Variants in LMBR1 observed in about 807,000 individuals in gnomAD.
LMBR1 encodes the protein limb development membrane protein 1, also known as limb region 1 protein homolog.
Under a neutral mutation model 73.9 loss-of-function variants are expected in LMBR1, and 52 were observed. The ratio of observed to expected loss-of-function variants is 0.70; its 90% confidence interval spans 0.56 to 0.89. The LOEUF (loss-of-function observed/expected upper bound fraction) is 0.89. Among genes scored for constraint, LMBR1 ranks in the 40% least tolerant of loss-of-function variants. LMBR1 has a pLI of 0.00. For missense variants in LMBR1, 539 were observed against 579.8 expected (o/e 0.93, Z 0.72); for synonymous variants, 215 against 209.4 (o/e 1.03, Z -0.23).
Position 156,763,204 on chromosome 7 carries a change from A to G in LMBR1, c.551-28T>C, listed in dbSNP as rs749813818. On this transcript the variant is annotated intron_variant, in intron 6 of 16. Coordinates refer to ENST00000353442, the MANE Select transcript of LMBR1 (RefSeq NM_022458.4). The stretch of plus-strand genomic sequence containing the variant: ...ATTAAAAAAAAGTAAATATATTTTA[A>G]TAAATCCAAAATACTGCACATTAAG... 19 of 990,578 alleles carry G rather than the reference A, an allele frequency of 1.9e-5. No individual in the cohort carries two copies. The East Asian group carries it at 4.9e-4, about 26-fold the overall frequency. 61.4% of individuals were successfully genotyped at this position (990,578 alleles called of 1,614,324 possible). A position where few individuals can be genotyped will look rare whatever the true frequency, so the allele number is the denominator to read the frequency against.
chr7:156,676,503 C>T (rs746591561), downstream of LMBR1: 26 of 1,613,886 alleles, frequency 1.6e-5, no homozygotes, highest in East Asian at 4.0e-4. Flanking sequence ...TGCAGGCAGG[C>T]GTTCCAGAGA....
chr7:156,860,148 G>A lies in LMBR1; in HGVS notation c.67-23263C>T, dbSNP rs183192483. Among the ~76,000 whole-genome samples, 320 of 152,254 alleles carry A rather than the reference G, an allele frequency of 2.1e-3. 2 individuals are homozygous for A. The highest frequency in any genetic ancestry group is 7.3e-3 in the African/African-American group (303 of 41,534). ...AACTCAAAATAGATTGTATTAGTCTGTTTTCACACTGCCGATAAAGACATA... is the reference window on the plus strand; with the variant it reads ...AACTCAAAATAGATTGTATTAGTCTATTTTCACACTGCCGATAAAGACATA... On this transcript the variant is annotated intron_variant, in intron 1 of 16. Coordinates refer to ENST00000353442, the MANE Select transcript of LMBR1 (RefSeq NM_022458.4).
At chr7:156,837,335 CA>C (rs61161222) in intron 1 of LMBR1, among the ~76,000 whole-genome samples, 46,608 of 101,410 alleles carry the variant, frequency 0.46, 7,377 homozygotes, top group East Asian at 0.62. Context: ...GACTCCATCT[CA>C]AAAAAAAAAA....
intron 15 of LMBR1, among the ~76,000 whole-genome samples, chr7:156,723,021 G>A (rs958359382): frequency 6.6e-6 from 1 of 152,014 alleles, no homozygotes; most frequent in African/African-American, 2.4e-5. Context: ...CATACTTTTG[G>A]CATTTTCAAG....
At chr7:156,789,826 C>T (rs1010152372) in intron 5 of LMBR1, among the ~76,000 whole-genome samples, 1 of 152,022 alleles carries the variant, frequency 6.6e-6, no homozygotes, top group Non-Finnish European at 1.5e-5. Flanking sequence ...TCTATTCCCC[C>T]CAAAAACTTT....
intron 9 of LMBR1, among the ~76,000 whole-genome samples, chr7:156,753,100 T>C (rs534464736): frequency 4.6e-5 from 7 of 151,968 alleles, no homozygotes; most frequent in Admixed American, 4.6e-4. Flanking sequence ...GGATGCTTGA[T>C]TGTAAGATTA....
intron 10 of LMBR1, among the ~76,000 whole-genome samples, chr7:156,733,003 G>C (rs1432497257): frequency 6.6e-6 from 1 of 152,140 alleles, no homozygotes; most frequent in Non-Finnish European, 1.5e-5. Context: ...AAATTAGCAA[G>C]CTGTGGTGGC....
chr7:156,736,938 C>G (rs536915229), intron 9 of LMBR1, among the ~76,000 whole-genome samples: 2 of 152,304 alleles, frequency 1.3e-5, no homozygotes, highest in South Asian at 4.1e-4. Flanking sequence ...CAACTTCACT[C>G]TCTTGAAGAA....
At chr7:156,826,488 C>T (rs759267284) in intron 4 of LMBR1, 117 bp downstream of exon 4, 27 of 602,998 alleles carry the variant, frequency 4.5e-5, no homozygotes, top group Non-Finnish European at 6.7e-5. Flanking sequence ...AGACCCAAAT[C>T]GTTTACTGGA....
intron 1 of LMBR1, among the ~76,000 whole-genome samples, chr7:156,890,155 A>T (rs900868291): frequency 6.6e-6 from 1 of 152,214 alleles, no homozygotes; most frequent in African/African-American, 2.4e-5. Context: ...AGAAAAAAAT[A>T]TGACTCCTAC....
intron 9 of LMBR1, among the ~76,000 whole-genome samples, chr7:156,751,058 C>T (rs973228089): frequency 6.6e-6 from 1 of 152,024 alleles, no homozygotes; most frequent in Non-Finnish European, 1.5e-5. Flanking sequence ...CACAGTGAGC[C>T]GTGATTGTGT....
rs777051087 is a variant in LMBR1, at chr7:156,833,811, T to C, written c.140-19A>G. On this transcript the variant is annotated intron_variant, in intron 2 of 16. Coordinates refer to ENST00000353442, the MANE Select transcript of LMBR1 (RefSeq NM_022458.4). ...TGTTCATCTGCAAAAATGTTTAAGG[T>C]ATTAATATTCCTTTATCTTCTAACA... 85 of 1,522,358 alleles carry C rather than the reference T, an allele frequency of 5.6e-5. No homozygotes were observed. The highest frequency in any genetic ancestry group is 7.0e-5 in the Non-Finnish European group (78 of 1,113,906). 94.3% of individuals were successfully genotyped at this position (1,522,358 alleles called of 1,614,324 possible).
Position 156,697,523 on chromosome 7 carries a change from C to T in LMBR1, c.1226-9332G>A, listed in dbSNP as rs556256860. Among the ~76,000 whole-genome samples, 11 of 152,148 alleles carry T rather than the reference C, an allele frequency of 7.2e-5. No individual in the cohort carries two copies. In the South Asian group the frequency reaches 1.7e-3, roughly 23 times the overall value. On this transcript the variant is annotated intron_variant, in intron 15 of 16. Coordinates refer to ENST00000353442, the MANE Select transcript of LMBR1 (RefSeq NM_022458.4). ...ATAAGACAGTCATTCCCAGAGCGGC[C>T]GTTTATAGACCTCCCCCCAGGAATG...
intron 1 of LMBR1, among the ~76,000 whole-genome samples, chr7:156,872,507 C>T (rs113336905): frequency 0.021 from 3,186 of 151,842 alleles, 44 homozygotes; most frequent in Non-Finnish European, 0.032. Context: ...TTTAGCTGGG[C>T]GTGGTGGCGC....
In LMBR1 at chr7:156,680,590, T is replaced by G. The variant is rs1274429860; in HGVS notation, c.*3488A>C. 1 of 152,654 alleles carries G rather than the reference T, an allele frequency of 6.6e-6. No individual in the cohort carries two copies. The allele number at this position is 152,654 out of a possible 1,614,324, so 9.5% of individuals were successfully genotyped here. A position where few individuals can be genotyped will look rare whatever the true frequency, so the allele number is the denominator to read the frequency against. On this transcript the variant is annotated 3_prime_UTR_variant, in exon 17 of 17. Coordinates refer to ENST00000353442, the MANE Select transcript of LMBR1 (RefSeq NM_022458.4). ...CTGTTCAGTCCTTTTATGGAAAAAA[T>G]TAGAGAAATCAAGTCTAAATAATTC...
At chr7:156,756,037 G>C (rs1439079203) in intron 9 of LMBR1, among the ~76,000 whole-genome samples, 1 of 152,134 alleles carries the variant, frequency 6.6e-6, no homozygotes, top group Non-Finnish European at 1.5e-5. Flanking sequence ...TATACTATCT[G>C]TTAAACTATA....
intron 7 of LMBR1, among the ~76,000 whole-genome samples, chr7:156,762,840 A>AGTGTGT (rs772516533): frequency 4.3e-5 from 5 of 115,784 alleles, no homozygotes; most frequent in Admixed American, 3.8e-4. Flanking sequence ...AAAGTGTGTG[A>AGTGTGT]GTGTGAGTGT....
intron 1 of LMBR1, among the ~76,000 whole-genome samples, chr7:156,886,824 CAA>C (rs1344894903): frequency 1.3e-5 from 2 of 152,196 alleles, no homozygotes; most frequent in African/African-American, 4.8e-5. Context: ...TTTATTGCCA[CAA>C]AGAGTCTGTT....
At chr7:156,705,676 A>T (rs1037286278) in intron 15 of LMBR1, among the ~76,000 whole-genome samples, 6 of 152,254 alleles carry the variant, frequency 3.9e-5, no homozygotes, top group Non-Finnish European at 8.8e-5. Flanking sequence ...ATTCGTCTCC[A>T]CTATACAGAT....
Sources: allele counts gnomAD v4.1 joint callset (sites outside exome capture counted in the v4.1 genomes callset), GRCh38; gene constraint gnomAD v4.1.1; transcripts MANE v1.5; gene names NCBI Gene and HGNC (gene_info 2026-07-23, HGNC 2026-07-21).